Variants in OXR1 observed in about 807,000 individuals in gnomAD.
The protein encoded by OXR1 is oxidation resistance 1.
In OXR1, 41 loss-of-function variants were observed where a neutral mutation model predicts 104.6. The ratio of observed to expected loss-of-function variants is 0.39; its 90% confidence interval spans 0.31 to 0.51. OXR1 has a LOEUF of 0.51. OXR1 is among the 20% of genes least tolerant of loss of function. The pLI, the probability that OXR1 is intolerant of heterozygous loss-of-function variation, is 0.77. For synonymous variants in OXR1, 348 were observed against 348.4 expected (o/e 1.00, Z 0.01); for missense variants, 955 against 1,031.9 (o/e 0.93, Z 1.02).
chr8:106,626,044 TTG>T (rs59554916), intron 3 of OXR1, among the ~76,000 whole-genome samples: 254 of 148,278 alleles, frequency 1.7e-3, no homozygotes, highest in African/African-American at 4.3e-3. Flanking sequence ...GTTCTGCGTT[TTG>T]TGTGTGTGTG....
chr8:106,731,044 T>A (rs901400153), intron 11 of OXR1, among the ~76,000 whole-genome samples: 2 of 152,204 alleles, frequency 1.3e-5, no homozygotes, highest in African/African-American at 4.8e-5. Flanking sequence ...TGTCAGCTCT[T>A]TGGATTTTAG....
At chr8:106,352,018 C>A (rs1240780347) in intron 1 of OXR1, among the ~76,000 whole-genome samples, 2 of 152,080 alleles carry the variant, frequency 1.3e-5, no homozygotes, top group Non-Finnish European at 2.9e-5. Flanking sequence ...CTCTACTCTG[C>A]AGTTCTTATG....
intron 1 of OXR1, among the ~76,000 whole-genome samples, chr8:106,316,686 T>G: frequency 9.2e-6 from 1 of 108,618 alleles, no homozygotes; most frequent in South Asian, 2.7e-4. Flanking sequence ...TTTTTCTCTC[T>G]TTTTTTCTAT....
intron 2 of OXR1, among the ~76,000 whole-genome samples, chr8:106,369,616 G>T (rs1273759073): frequency 6.6e-6 from 1 of 152,074 alleles, no homozygotes; most frequent in Non-Finnish European, 1.5e-5. Flanking sequence ...TCTGCATATG[G>T]CTAGTCAGTT....
chr8:106,404,798 C>T (rs958030682), intron 2 of OXR1, among the ~76,000 whole-genome samples: 2 of 152,020 alleles, frequency 1.3e-5, no homozygotes, highest in African/African-American at 4.8e-5. Context: ...CTCCACCTCC[C>T]AGGTTCATGC....
chr8:106,645,946 G>A (rs1009044207), intron 3 of OXR1, among the ~76,000 whole-genome samples: 3 of 151,882 alleles, frequency 2.0e-5, no homozygotes, highest in Admixed American at 2.0e-4. Flanking sequence ...ATCTTGTATT[G>A]ACACAGCCCC....
chr8:106,665,515 T>G (rs375181922), intron 3 of OXR1, among the ~76,000 whole-genome samples: 6 of 152,234 alleles, frequency 3.9e-5, no homozygotes, highest in East Asian at 1.9e-4. Context: ...TTTTCCAGTT[T>G]GAGTTGGTCA....
chr8:106,700,059 T>C (rs1301155725), intron 7 of OXR1, among the ~76,000 whole-genome samples: 1 of 152,156 alleles, frequency 6.6e-6, no homozygotes, highest in African/African-American at 2.4e-5. Context: ...TTTACTTTAT[T>C]TTCTAATAGA....
chr8:106,646,766 G>A (rs1487391893), intron 3 of OXR1, among the ~76,000 whole-genome samples: 1 of 152,188 alleles, frequency 6.6e-6, no homozygotes, highest in African/African-American at 2.4e-5. Context: ...AGTGCAGGCA[G>A]GAAAAGAAAT....
intron 3 of OXR1, among the ~76,000 whole-genome samples, chr8:106,523,130 C>G (rs944734404): frequency 2.0e-5 from 3 of 152,220 alleles, no homozygotes; most frequent in Admixed American, 6.5e-5. Context: ...GGGCCACTTG[C>G]TTTTCTTGTC....
chr8:106,336,923 G>T lies in OXR1; in HGVS notation c.-138-22553G>T, dbSNP rs553700632. ...TAGATACTGAGCTAATTCAAAATTT[G>T]TTAGGCAAATGTGTATACCATTATG... On this transcript the variant is annotated intron_variant, in intron 1 of 16. Coordinates refer to ENST00000517566, the MANE Select transcript of OXR1 (RefSeq NM_001198533.2). Among the ~76,000 whole-genome samples, 15 of 152,232 alleles carry T rather than the reference G, an allele frequency of 9.9e-5. No homozygotes were observed. The South Asian group carries it at 2.9e-3, about 29-fold the overall frequency.
chr8:106,362,695 G>C (rs763205316), intron 2 of OXR1, among the ~76,000 whole-genome samples: 8 of 152,168 alleles, frequency 5.3e-5, no homozygotes, highest in Non-Finnish European at 4.4e-5. Context: ...GTTGATGCTC[G>C]TTGAAATAGA....
At chr8:106,481,398 C>CAGAA (rs1563550600) in intron 2 of OXR1, among the ~76,000 whole-genome samples, 1 of 152,082 alleles carries the variant, frequency 6.6e-6, no homozygotes, top group East Asian at 1.9e-4. Context: ...CAACCAGATA[C>CAGAA]AGAAGGCTTT....
rs555494381 is a variant in OXR1, at chr8:106,296,577, C to A, written c.-139+26210C>A. On this transcript the variant is annotated intron_variant, in intron 1 of 16. Coordinates refer to ENST00000517566, the MANE Select transcript of OXR1 (RefSeq NM_001198533.2). ...CTTAGCACCACCTATAAAACCAGCC[C>A]CATATTGAGTTCTGGTTTTCTCATA... Among the ~76,000 whole-genome samples the A allele has an allele frequency of 6.5e-4, 99 of 152,256 alleles. 1 individual carries two copies. The South Asian group carries it at 0.018, about 27-fold the overall frequency.
chr8:106,468,106 C>G (rs2130669029), intron 2 of OXR1, among the ~76,000 whole-genome samples: 1 of 151,874 alleles, frequency 6.6e-6, no homozygotes, highest in South Asian at 2.1e-4. Context: ...TGTATTTATT[C>G]ATTCTTTATC....
chr8:106,614,307 C>A (rs1449315761), intron 3 of OXR1, among the ~76,000 whole-genome samples: 1 of 152,142 alleles, frequency 6.6e-6, no homozygotes, highest in Non-Finnish European at 1.5e-5. Flanking sequence ...AATCAATAAA[C>A]CTAGACATTT....
chr8:106,572,869 A>G (rs1212297630), intron 3 of OXR1, among the ~76,000 whole-genome samples: 1 of 152,126 alleles, frequency 6.6e-6, no homozygotes, highest in Non-Finnish European at 1.5e-5. Flanking sequence ...AGAATCTATT[A>G]TAAGGAATTG....
At chr8:106,454,007 C>T (rs986894384) in intron 2 of OXR1, among the ~76,000 whole-genome samples, 3 of 152,030 alleles carry the variant, frequency 2.0e-5, no homozygotes, top group African/African-American at 7.2e-5. Context: ...TTTTATACTT[C>T]AGGAAAAAAG....
At chr8:106,743,385 G>A (rs1429516222) in intron 15 of OXR1, among the ~76,000 whole-genome samples, 2 of 152,220 alleles carry the variant, frequency 1.3e-5, no homozygotes, top group African/African-American at 4.8e-5. Flanking sequence ...GCAGTGGCAT[G>A]ATCTCAGCTC....
Sources: gnomAD v4.1 joint callset for allele counts (sites outside exome capture counted in the v4.1 genomes callset) on GRCh38, gnomAD v4.1.1 for gene constraint, MANE v1.5 for transcripts, NCBI Gene and HGNC (gene_info 2026-07-23, HGNC 2026-07-21) for gene names.